SHISA9: variants seen among roughly 807,000 people sequenced by gnomAD.
SHISA9 encodes protein shisa-9.
Under a neutral mutation model 38.0 loss-of-function variants are expected in SHISA9, and 13 were observed. That is an observed-to-expected ratio of 0.34 (90% confidence interval 0.22 to 0.54). The LOEUF (loss-of-function observed/expected upper bound fraction) is 0.54. Among genes scored for constraint, SHISA9 ranks in the 20% least tolerant of loss-of-function variants. The probability of loss-of-function intolerance (pLI) is 0.91; values close to 1 mark genes in which losing one functional copy is unlikely to be tolerated. For missense variants in SHISA9, 538 were observed against 575.8 expected (o/e 0.93, Z 0.67); for synonymous variants, 275 against 242.0 (o/e 1.14, Z -1.27).
chr16:13,085,487 A>G (rs894477312), intron 2 of SHISA9, among the ~76,000 whole-genome samples: 1 of 152,216 alleles, frequency 6.6e-6, no homozygotes, highest in African/African-American at 2.4e-5. Flanking sequence ...TGACATTCCT[A>G]AAATAAGGCT....
At chr16:12,916,011 GTTTT>G (rs34050190) in intron 1 of SHISA9, among the ~76,000 whole-genome samples, 90 of 90,436 alleles carry the variant, frequency 1.0e-3, no homozygotes, top group African/African-American at 1.4e-3. Context: ...GTGTGTGTGT[GTTTT>G]TTTTTTTTTT....
At chr16:12,984,409 T>C (rs942594264) in intron 2 of SHISA9, among the ~76,000 whole-genome samples, 7 of 152,156 alleles carry the variant, frequency 4.6e-5, no homozygotes, top group African/African-American at 1.7e-4. Flanking sequence ...CTATGAACAG[T>C]CAAATTCTCT....
the SHISA9 span, among the ~76,000 whole-genome samples, chr16:13,487,479 T>G: frequency 6.6e-6 from 1 of 152,182 alleles, no homozygotes; most frequent in Non-Finnish European, 1.5e-5. Flanking sequence ...GCCACACACT[T>G]TTAAATGACC....
At chr16:13,212,117 G>GAT (rs2051126489) in intron 3 of SHISA9, among the ~76,000 whole-genome samples, 34 of 152,306 alleles carry the variant, frequency 2.2e-4, no homozygotes, top group African/African-American at 7.2e-4. Context: ...AAATGGGGCC[G>GAT]GATCTGTGCT....
intron 2 of SHISA9, among the ~76,000 whole-genome samples, chr16:13,125,157 A>G (rs559564101): frequency 1.3e-5 from 2 of 152,332 alleles, no homozygotes; most frequent in South Asian, 4.1e-4. Context: ...AACAAAGGAA[A>G]CAATCAACAA....
At chr16:13,450,276 A>G in the SHISA9 span, among the ~76,000 whole-genome samples, 2 of 152,234 alleles carry the variant, frequency 1.3e-5, no homozygotes, top group Non-Finnish European at 2.9e-5. Context: ...GTAGGGTTAT[A>G]TTGTGAAGAT....
chr16:12,998,705 T>A (rs1194017046), intron 2 of SHISA9, among the ~76,000 whole-genome samples: 2 of 152,046 alleles, frequency 1.3e-5, no homozygotes, highest in Non-Finnish European at 2.9e-5. Flanking sequence ...TAATTTTAAT[T>A]TTATTTATTT....
intron 2 of SHISA9, among the ~76,000 whole-genome samples, chr16:13,111,243 C>T (rs1468686694): frequency 1.3e-5 from 2 of 151,656 alleles, no homozygotes; most frequent in Non-Finnish European, 2.9e-5. Flanking sequence ...AAACTATCAT[C>T]AGAGTGAACA....
chr16:12,938,437 A>G (rs1235557218), intron 2 of SHISA9, among the ~76,000 whole-genome samples: 1 of 152,016 alleles, frequency 6.6e-6, no homozygotes, highest in African/African-American at 2.4e-5. Context: ...GATGTGCTCA[A>G]TTCTGTTCTC....
At chr16:13,489,401 G>C in the SHISA9 span, among the ~76,000 whole-genome samples, 1 of 152,118 alleles carries the variant, frequency 6.6e-6, no homozygotes, top group Non-Finnish European at 1.5e-5. Context: ...ATGTATGACT[G>C]TGTGTGTATA....
chr16:13,191,854 AG>A (rs1287702713), intron 2 of SHISA9, among the ~76,000 whole-genome samples: 1 of 152,186 alleles, frequency 6.6e-6, no homozygotes, highest in Non-Finnish European at 1.5e-5. Flanking sequence ...GAGTATTGAA[AG>A]CTTTAGTAGA....
rs1034971647 is a variant in SHISA9, at chr16:13,025,969, C to T, written c.691+109154C>T. On this transcript the variant is annotated intron_variant, in intron 2 of 4. Transcript: ENST00000558583. ...TACAGGCATGCACCACCATGCCCAGCTAATTTTGTAATTTTAGTAGAAACA... is the reference window on the plus strand; with the variant it reads ...TACAGGCATGCACCACCATGCCCAGTTAATTTTGTAATTTTAGTAGAAACA... 7.2e-5 allele frequency among the ~76,000 whole-genome samples: 11 copies of T among 152,156 alleles called. No homozygotes were observed. The East Asian group carries it at 1.9e-3, about 27-fold the overall frequency.
intron 2 of SHISA9, among the ~76,000 whole-genome samples, chr16:13,135,475 T>C (rs2050340870): frequency 6.6e-6 from 1 of 152,190 alleles, no homozygotes; most frequent in African/African-American, 2.4e-5. Flanking sequence ...ATACAAAGTT[T>C]GGCCCATTCT....
chr16:13,289,318 A>C, the SHISA9 span, among the ~76,000 whole-genome samples: 2 of 146,200 alleles, frequency 1.4e-5, no homozygotes, highest in East Asian at 2.1e-4. Context: ...CAAGTGACCT[A>C]AACTGAGTCC....
At chr16:13,432,653 T>C in the SHISA9 span, among the ~76,000 whole-genome samples, 1 of 152,200 alleles carries the variant, frequency 6.6e-6, no homozygotes, top group Non-Finnish European at 1.5e-5. Flanking sequence ...ACCTACTATG[T>C]TCAAAGCACA....
At chr16:13,015,888 T>TTCTTTC (rs1287374441) in intron 2 of SHISA9, among the ~76,000 whole-genome samples, 1 of 95,350 alleles carries the variant, frequency 1.0e-5, no homozygotes, top group Non-Finnish European at 2.7e-5. Flanking sequence ...CTTTCTTTCT[T>TTCTTTC]TCTTTCTTTC....
intron 2 of SHISA9, among the ~76,000 whole-genome samples, chr16:12,923,533 A>T (rs955011040): frequency 2.0e-5 from 3 of 152,090 alleles, no homozygotes; most frequent in Admixed American, 2.0e-4. Flanking sequence ...GTCTCAAAAA[A>T]AAAGAAGAAG....
At chr16:12,910,764 T>C in intron 1 of SHISA9, 1 of 972,190 alleles carries the variant, frequency 1.0e-6, no homozygotes, top group Non-Finnish European at 1.2e-6. Context: ...ACAGAACAAA[T>C]ATACAAAGAG....
intron 1 of SHISA9, among the ~76,000 whole-genome samples, chr16:12,915,757 G>C (rs918618076): frequency 1.3e-5 from 2 of 152,238 alleles, no homozygotes; most frequent in Non-Finnish European, 1.5e-5. Context: ...TAACACTCAC[G>C]TGTGAACAAA....
Sources: gnomAD v4.1 joint callset for allele counts (sites outside exome capture counted in the v4.1 genomes callset) on GRCh38, gnomAD v4.1.1 for gene constraint, MANE v1.5 for transcripts, NCBI Gene and HGNC (gene_info 2026-07-23, HGNC 2026-07-21) for gene names.